RYR3: variants seen among roughly 807,000 people sequenced by gnomAD.
The protein encoded by RYR3 is ryanodine receptor 3.
In RYR3, 207 loss-of-function variants were observed where a neutral mutation model predicts 584.3. That is an observed-to-expected ratio of 0.35 (90% CI 0.32 to 0.40). The LOEUF is 0.40. Ranked by LOEUF, RYR3 falls within the 10% of genes least tolerant of loss-of-function variation. The pLI is 1.00. For synonymous variants in RYR3, 2,416 were observed against 2,248.5 expected, an observed-to-expected ratio of 1.07 and a Z score of -2.11; for missense variants, 5,616 against 6,089.2, an observed-to-expected ratio of 0.92 and a Z score of 2.59.
At chr15:33,863,695 AATACTTT>A (rs761405590) in intron 102 of RYR3, among the ~76,000 whole-genome samples, 6 of 152,198 alleles carry the variant, frequency 3.9e-5, no homozygotes, top group Admixed American at 2.0e-4. Flanking sequence ...CATGAGATTA[AATACTTT>A]CTAACTTTTC....
chr15:33,320,545 G>A (rs1053571430), intron 1 of RYR3, among the ~76,000 whole-genome samples: 1 of 152,212 alleles, frequency 6.6e-6, no homozygotes, highest in Non-Finnish European at 1.5e-5. Flanking sequence ...CTTTGAGGTA[G>A]CAAGGATATC....
At position 33,812,942 on chromosome 15, in the gene RYR3, A is replaced by G; in HGVS notation, c.10337A>G (p.Lys3446Arg). 6.2e-7 allele frequency: 1 copy of G among 1,613,946 alleles called. No homozygotes were observed. The highest frequency in any genetic ancestry group is 8.5e-7 in the Non-Finnish European group (1 of 1,179,816). Residue 3446 changes from lysine (K) to arginine (R), a missense_variant, in exon 73 of 104, where the codon AAG becomes AGG. Coordinates refer to ENST00000634891, the MANE Select transcript of RYR3 (RefSeq NM_001036.6). ...AGTGAAGAACCTTTCAATCCGGAAA[A>G]GACAGTGGAGCGTGTGCAGAGAATT... ...LKSEEPFNPEKTVERVQRISA... is the reference protein window; with the variant it reads ...LKSEEPFNPERTVERVQRISA...
rs1490908194 is a variant in RYR3 at position 33,823,042 on chromosome 15, A to G, written c.11042A>G (p.Gln3681Arg). 1.9e-6 allele frequency: 3 copies of G among 1,613,542 alleles called. No individual in the cohort carries two copies. Among genetic ancestry groups the G allele is most frequent in the Non-Finnish European group, 2.5e-6 (3 of 1,179,724 alleles). ...LKEKKDAGFF[Q>R]SLSGLMQSCS... The stretch of plus-strand genomic sequence containing the variant: ...GAGAAAAAGGATGCTGGATTCTTTC[A>G]AAGCCTTTCTGGTCTTATGCAGTCT... Residue 3681 changes from glutamine to arginine, a missense_variant, in exon 81 of 104, where the codon CAA becomes CGA. By Grantham distance (43) the Gln-to-Arg change is conservative. Around this residue, in one of 9 missense-constraint regions of RYR3, gnomAD observed 954 missense variants for 1,132.2 expected, o/e 0.84. Transcript: ENST00000634891.
At chr15:33,326,527 G>A (rs1003162109) in intron 1 of RYR3, among the ~76,000 whole-genome samples, 6 of 152,200 alleles carry the variant, frequency 3.9e-5, no homozygotes, top group Non-Finnish European at 7.3e-5. Flanking sequence ...GGGAGTCAGG[G>A]AAGATTTGAA....
chr15:33,491,173 G>T (rs1450435369), intron 2 of RYR3, among the ~76,000 whole-genome samples: 1 of 152,156 alleles, frequency 6.6e-6, no homozygotes, highest in Non-Finnish European at 1.5e-5. Context: ...AGTGACAAAG[G>T]AGCTAGCTAC....
At chr15:33,841,457 T>C (rs775351999) in intron 90 of RYR3, among the ~76,000 whole-genome samples, 1 of 152,192 alleles carries the variant, frequency 6.6e-6, no homozygotes, top group Non-Finnish European at 1.5e-5. Context: ...ACTTCATATA[T>C]TGATGACAGT....
intron 1 of RYR3, among the ~76,000 whole-genome samples, chr15:33,361,692 T>C (rs1379629849): frequency 6.6e-6 from 1 of 152,180 alleles, no homozygotes; most frequent in Non-Finnish European, 1.5e-5. Flanking sequence ...GACTCTATTT[T>C]ATATTGTTCC....
chr15:33,855,774 A>G (rs1228563625), intron 98 of RYR3: 2 of 152,224 alleles, frequency 1.3e-5, no homozygotes, highest in Non-Finnish European at 2.9e-5. Flanking sequence ...TTAATATATA[A>G]TCAAGAAATT....
intron 38 of RYR3, among the ~76,000 whole-genome samples, chr15:33,694,446 G>A (rs553246717): frequency 5.3e-5 from 8 of 151,984 alleles, no homozygotes; most frequent in South Asian, 2.1e-4. Context: ...GGGTTTCACC[G>A]TGTTAGCCAG....
At chr15:33,678,401 T>C (rs2152736135) in intron 38 of RYR3, among the ~76,000 whole-genome samples, 1 of 152,300 alleles carries the variant, frequency 6.6e-6, no homozygotes, top group Non-Finnish European at 1.5e-5. Flanking sequence ...TCTGCCATGA[T>C]AAGATGTGCT....
chr15:33,861,125 C>A lies in RYR3; in HGVS notation c.14412C>A (p.Thr4804=). 5 of 1,597,946 alleles carry A rather than the reference C, an allele frequency of 3.1e-6. No homozygotes were observed. In the South Asian group the frequency reaches 5.7e-5, roughly 18 times the overall value. The change falls in exon 102 of 104, where the codon ACC becomes ACA. Residue 4804 remains threonine (T), a synonymous_variant. Transcript: ENST00000634891. ...TTGGCAATGACTACTTTGACACAAC[C>A]CCTCATGGTTTTGAAACACATACAT... ...CGIGNDYFDT[T]PHGFETHTLQ...
chr15:33,587,104 G>T (rs66863103), intron 16 of RYR3, among the ~76,000 whole-genome samples: 25,804 of 152,114 alleles, frequency 0.17, 3,031 homozygotes, highest in East Asian at 0.64. Flanking sequence ...TGCATCAGCC[G>T]TGGGCAGCAG....
At chr15:33,668,617 T>C (rs1049064015) in intron 36 of RYR3, among the ~76,000 whole-genome samples, 2 of 152,192 alleles carry the variant, frequency 1.3e-5, no homozygotes, top group Non-Finnish European at 1.5e-5. Context: ...ACCCATTCAA[T>C]TGAAAATATT....
chr15:33,638,691 G>T (rs1246732620), intron 27 of RYR3, among the ~76,000 whole-genome samples: 1 of 152,202 alleles, frequency 6.6e-6, no homozygotes, highest in Non-Finnish European at 1.5e-5. Context: ...GCAAATGTGA[G>T]TAGTAGCAGT....
chr15:33,829,987 T>C (rs2077583031), intron 85 of RYR3, among the ~76,000 whole-genome samples: 1 of 152,018 alleles, frequency 6.6e-6, no homozygotes, highest in South Asian at 2.1e-4. Flanking sequence ...AAACGAAGAG[T>C]TTCCTCTCAT....
intron 63 of RYR3, 148 bp from the exon 64 acceptor site, chr15:33,773,386 C>G: frequency 1.6e-6 from 1 of 629,864 alleles, no homozygotes; most frequent in Non-Finnish European, 2.8e-6. Flanking sequence ...AAACTGGCAT[C>G]TGGGTAGAAA....
At chr15:33,859,956 C>T (rs2080153523) in intron 100 of RYR3, among the ~76,000 whole-genome samples, 1 of 152,150 alleles carries the variant, frequency 6.6e-6, no homozygotes, top group African/African-American at 2.4e-5. Context: ...CAGAGGAACC[C>T]CTTCCTTCTG....
rs776759416 is a variant in RYR3 at position 33,813,906 on chromosome 15, A to G, written c.10502+327A>G. ...ATGTAAAGACTTCTGGAAAAAGAGAAACTGTTTTCTGAAACATTTTACCCC... is the reference window on the plus strand; with the variant it reads ...ATGTAAAGACTTCTGGAAAAAGAGAGACTGTTTTCTGAAACATTTTACCCC... On this transcript the variant is annotated intron_variant, in intron 74 of 103. Coordinates refer to ENST00000634891, the MANE Select transcript of RYR3 (RefSeq NM_001036.6). Among the ~76,000 whole-genome samples, 87 of 152,310 alleles carry G rather than the reference A, an allele frequency of 5.7e-4. 1 individual carries two copies. Among genetic ancestry groups the G allele is most frequent in the Middle Eastern group, 3.4e-3 (1 of 294 alleles).
At chr15:33,635,427 G>A (rs975264807) in intron 25 of RYR3, among the ~76,000 whole-genome samples, 187 bp from the exon 26 acceptor site, 2 of 152,246 alleles carry the variant, frequency 1.3e-5, no homozygotes, top group African/African-American at 4.8e-5. Context: ...CCCTCAGTCA[G>A]TGGTAGCTTG....
Sources: allele counts gnomAD v4.1 joint callset (sites outside exome capture counted in the v4.1 genomes callset), GRCh38; gene constraint gnomAD v4.1.1; regional missense constraint gnomAD v4.1.1; transcripts MANE v1.5; gene names NCBI Gene and HGNC (gene_info 2026-07-23, HGNC 2026-07-21).